The following CNTNAP2 variants were observed in gnomAD, a reference collection of about 807,000 sequenced individuals.
CNTNAP2 encodes the protein contactin associated protein 2.
CNTNAP2 carries 98 observed loss-of-function variants against 155.2 expected under a neutral mutation model. The ratio of observed to expected loss-of-function variants is 0.63; its 90% CI spans 0.54 to 0.75. CNTNAP2 has a LOEUF of 0.75. Ranked by LOEUF, CNTNAP2 falls within the 30% of genes least tolerant of loss-of-function variation. The probability of loss-of-function intolerance (pLI) is 0.00; values close to 1 mark genes in which losing one functional copy is unlikely to be tolerated. For synonymous variants in CNTNAP2, 651 were observed against 631.2 expected (o/e 1.03, Z -0.47); for missense variants, 1,727 against 1,688.1 (o/e 1.02, Z -0.40).
chr7:146,269,097 T>G (rs1800039518), intron 1 of CNTNAP2, among the ~76,000 whole-genome samples: 1 of 152,058 alleles, frequency 6.6e-6, no homozygotes, highest in South Asian at 2.1e-4. Flanking sequence ...ATCCCAGAAC[T>G]TTGGGAGGCT....
chr7:148,353,592 C>A (rs1202008999), intron 21 of CNTNAP2, among the ~76,000 whole-genome samples: 1 of 152,168 alleles, frequency 6.6e-6, no homozygotes, highest in African/African-American at 2.4e-5. Context: ...GAATTATTAT[C>A]AAGAGCCTTT....
At chr7:147,380,982 T>G (rs1004593457) in intron 9 of CNTNAP2, among the ~76,000 whole-genome samples, 1 of 152,138 alleles carries the variant, frequency 6.6e-6, no homozygotes, top group Admixed American at 6.6e-5. Context: ...TTTCTGGGTT[T>G]TTTTTTGTTT....
intron 13 of CNTNAP2, among the ~76,000 whole-genome samples, chr7:147,737,968 G>A (rs1301466054): frequency 6.6e-6 from 1 of 152,196 alleles, no homozygotes. Flanking sequence ...GCACTTCCCG[G>A]GTGAGGCGAT....
In CNTNAP2 at chr7:146,131,835, G is replaced by A. The variant is rs538878400; in HGVS notation, c.97+14862G>A. ...GGAGGGAGGTAATTGGATTATGAGCGCGGTTTCCCCCATGCTGTTCTCGTG... is the reference window on the plus strand; with the variant it reads ...GGAGGGAGGTAATTGGATTATGAGCACGGTTTCCCCCATGCTGTTCTCGTG... On this transcript the variant is annotated intron_variant, in intron 1 of 23. Coordinates refer to ENST00000361727, the MANE Select transcript of CNTNAP2 (RefSeq NM_014141.6). Among the ~76,000 whole-genome samples the A allele has an allele frequency of 2.0e-4, 31 of 152,176 alleles. No homozygotes were observed. In the South Asian group the frequency reaches 2.9e-3, roughly 14 times the overall value.
chr7:146,900,199 C>T (rs543292015), intron 3 of CNTNAP2, among the ~76,000 whole-genome samples: 2 of 152,244 alleles, frequency 1.3e-5, no homozygotes, highest in South Asian at 2.1e-4. Context: ...TCCTGGCCAT[C>T]GGGATATTTT....
At position 147,035,011 on chromosome 7, in the gene CNTNAP2, A is replaced by C. The variant is rs150103751; in HGVS notation, c.403-8896A>C. Among the ~76,000 whole-genome samples the C allele has an allele frequency of 6.0e-3, 915 of 152,138 alleles. 8 individuals are homozygous for C. Among genetic ancestry groups the C allele is most frequent in the African/African-American group, 0.02 (834 of 41,486 alleles). ...CCCCACCAGGACCCTGCCCTTCTCTATCCAGCACTTCTCTGCCCTCCTCCC... is the reference window on the plus strand; with the variant it reads ...CCCCACCAGGACCCTGCCCTTCTCTCTCCAGCACTTCTCTGCCCTCCTCCC... On this transcript the variant is annotated intron_variant, in intron 3 of 23. Coordinates refer to ENST00000361727, the MANE Select transcript of CNTNAP2 (RefSeq NM_014141.6).
At chr7:146,825,712 C>T (rs1803387292) in intron 2 of CNTNAP2, among the ~76,000 whole-genome samples, 1 of 152,150 alleles carries the variant, frequency 6.6e-6, no homozygotes, top group South Asian at 2.1e-4. Context: ...CAATATCTGT[C>T]TCAATTGTCA....
At chr7:147,531,973 A>AT (rs1219481718) in intron 11 of CNTNAP2, among the ~76,000 whole-genome samples, 1 of 151,378 alleles carries the variant, frequency 6.6e-6, no homozygotes, top group Non-Finnish European at 1.5e-5. Context: ...TGTCCGACTA[A>AT]TTTTTTTGTA....
At chr7:146,744,913 A>G (rs1002472676) in intron 1 of CNTNAP2, among the ~76,000 whole-genome samples, 5 of 152,194 alleles carry the variant, frequency 3.3e-5, no homozygotes, top group Admixed American at 2.0e-4. Context: ...TATATCCTCT[A>G]AGTAGAATAT....
In CNTNAP2 at chr7:146,409,054, G is replaced by A. The variant is rs1013033972; in HGVS notation, c.97+292081G>A. Reference sequence around the variant, plus strand: ...GATCCTACAACTTAGAATATGGTAGGTGTTTAATTTATTTTTGTATTTTAC... The same window carrying A: ...GATCCTACAACTTAGAATATGGTAGATGTTTAATTTATTTTTGTATTTTAC... On this transcript the variant is annotated intron_variant, in intron 1 of 23. Coordinates refer to ENST00000361727, the MANE Select transcript of CNTNAP2 (RefSeq NM_014141.6). Among the ~76,000 whole-genome samples, 4 of 151,972 alleles carry A rather than the reference G, an allele frequency of 2.6e-5. No homozygotes were observed. The South Asian group carries it at 8.3e-4, about 32-fold the overall frequency.
chr7:146,601,263 C>T (rs1798945499), intron 1 of CNTNAP2, among the ~76,000 whole-genome samples: 1 of 151,982 alleles, frequency 6.6e-6, no homozygotes, highest in Admixed American at 6.6e-5. Context: ...ATTGCTATCT[C>T]ATGTGGCAGA....
Position 147,045,017 on chromosome 7 carries a change from A to G in CNTNAP2, c.550+963A>G, listed in dbSNP as rs147259581. ...GTTGTTGTTTCTTTATGAGACTGCT[A>G]GATAGTATAAATTTAATCTACGAAC... On this transcript the variant is annotated intron_variant, in intron 4 of 23. Coordinates refer to ENST00000361727, the MANE Select transcript of CNTNAP2 (RefSeq NM_014141.6). Among the ~76,000 whole-genome samples, 948 of 152,276 alleles carry G rather than the reference A, an allele frequency of 6.2e-3. 10 individuals are homozygous for G. Among genetic ancestry groups the G allele is most frequent in the Non-Finnish European group, 0.01 (691 of 68,026 alleles).
chr7:146,488,619 G>A (rs1700085224), intron 1 of CNTNAP2, among the ~76,000 whole-genome samples: 1 of 151,846 alleles, frequency 6.6e-6, no homozygotes, highest in Non-Finnish European at 1.5e-5. Context: ...GTTTGTTTCT[G>A]TTTTTTGTTT....
chr7:147,054,580 C>G (rs142922081), intron 4 of CNTNAP2, among the ~76,000 whole-genome samples: 40 of 152,154 alleles, frequency 2.6e-4, no homozygotes, highest in African/African-American at 9.6e-4. Context: ...TAAAATGCTG[C>G]AAATATATAT....
At position 148,351,603 on chromosome 7, in the gene CNTNAP2, C is replaced by T. The variant is rs865880862; in HGVS notation, c.3476-32046C>T. ...ACTAAAAATACAAAAATTAGCTGGG[C>T]GTGGTGGTGTGTGCCTGCAATCCCA... On this transcript the variant is annotated intron_variant, in intron 21 of 23. Transcript: ENST00000361727. Among the ~76,000 whole-genome samples the T allele has an allele frequency of 7.9e-5, 12 of 151,588 alleles. 1 individual carries two copies. The highest frequency in any genetic ancestry group is 6.8e-3 in the Middle Eastern group (2 of 294).
chr7:146,906,169 T>G (rs1796120882), intron 3 of CNTNAP2, among the ~76,000 whole-genome samples: 2 of 152,116 alleles, frequency 1.3e-5, no homozygotes, highest in African/African-American at 4.8e-5. Flanking sequence ...GGAGTCTCGC[T>G]GATTGCTAGC....
intron 13 of CNTNAP2, among the ~76,000 whole-genome samples, chr7:147,733,076 C>T (rs1381454414): frequency 1.3e-5 from 2 of 152,140 alleles, no homozygotes; most frequent in Non-Finnish European, 2.9e-5. Flanking sequence ...GTTGCCATTG[C>T]TTTTGGTGTT....
At chr7:146,600,616 ATGTG>A (rs531276733) in intron 1 of CNTNAP2, among the ~76,000 whole-genome samples, 1 of 152,080 alleles carries the variant, frequency 6.6e-6, no homozygotes, top group Non-Finnish European at 1.5e-5. Flanking sequence ...ATATGCATAT[ATGTG>A]TGTTTGTATC....
intron 11 of CNTNAP2, among the ~76,000 whole-genome samples, chr7:147,487,261 A>G (rs917713418): frequency 1.3e-5 from 2 of 152,230 alleles, no homozygotes; most frequent in Non-Finnish European, 2.9e-5. Context: ...CAATAGAAAG[A>G]TGTCAAGAAG....
Sources: gnomAD v4.1 joint callset for allele counts (sites outside exome capture counted in the v4.1 genomes callset) on GRCh38, gnomAD v4.1.1 for gene constraint, MANE v1.5 for transcripts, NCBI Gene and HGNC (gene_info 2026-07-23, HGNC 2026-07-21) for gene names.